Variants in AGAP3 observed in about 807,000 individuals in gnomAD.
AGAP3 encodes the protein arf-GAP with GTPase, ANK repeat and PH domain-containing protein 3.
Under a neutral mutation model 96.9 loss-of-function variants are expected in AGAP3, and 24 were observed. The observed-to-expected ratio is 0.25, with a 90% CI of 0.18 to 0.35. The LOEUF is 0.35. Among genes scored for constraint, AGAP3 ranks in the 10% least tolerant of loss-of-function variants. AGAP3 has a pLI of 1.00. For missense variants in AGAP3, 876 were observed against 1,254.2 expected, an observed-to-expected ratio of 0.70 and a Z score of 4.55; for synonymous variants, 563 against 536.1, an observed-to-expected ratio of 1.05 and a Z score of -0.69.
chr7:151,142,460 G>A lies in AGAP3; in HGVS notation c.2099G>A (p.Cys700Tyr), dbSNP rs1800854234. The change falls in exon 16 of 18, where the codon TGC (cysteine) becomes TAC (tyrosine). Residue 700 changes from cysteine to tyrosine, a missense_variant. This residue lies in a region of AGAP3 where 103 missense variants were observed against 183.0 expected (regional missense o/e 0.56). Transcript: ENST00000397238. The surrounding 1 kb of genome is among the most constrained non-coding windows in gnomAD (Gnocchi z 7.5). ...CTGGGTGCCCTGATGTGCATTGAGT[G>A]CTCAGGCATCCACCGACACCTGGGG... ...LNLGALMCIE[C>Y]SGIHRHLGAH... 6.2e-7 allele frequency: 1 copy of A among 1,613,910 alleles called. No homozygotes were observed. The highest frequency in any genetic ancestry group is 8.5e-7 in the Non-Finnish European group (1 of 1,180,046).
intron 1 of AGAP3, chr7:151,090,053 C>T (rs1006981436): frequency 1.3e-5 from 2 of 152,300 alleles, no homozygotes; most frequent in East Asian, 3.8e-4. Context: ...GGGCCTCAGT[C>T]CAAATGGGGA....
rs10273337 is a variant in AGAP3, at chr7:151,103,652, A to C, written c.332-13141A>C. ...CATCATTCTACACAACCATTACACC[A>C]GAATAGCACCTAGGAAGGTCAGAAG... On this transcript the variant is annotated intron_variant, in intron 1 of 17. Coordinates refer to ENST00000397238, the MANE Select transcript of AGAP3 (RefSeq NM_031946.7). Among the ~76,000 whole-genome samples the C allele has an allele frequency of 1.4e-3, 219 of 152,144 alleles. 1 individual carries two copies. The highest frequency in any genetic ancestry group is 2.7e-3 in the Non-Finnish European group (182 of 68,008).
Position 151,096,340 on chromosome 7 carries a change from C to T in AGAP3, c.331+9268C>T, listed in dbSNP as rs2150412782. On this transcript the variant is annotated intron_variant, in intron 1 of 17. Transcript: ENST00000397238. This position sits in a 1 kb window ranked among gnomAD's most constrained non-coding sequence, Gnocchi z 4.4. ...GCCCAGGGGAAGGGACCTGAGGGGGCAGGGCTGTCACAGGGCCTGCACGTT... is the reference window on the plus strand; with the variant it reads ...GCCCAGGGGAAGGGACCTGAGGGGGTAGGGCTGTCACAGGGCCTGCACGTT... Among the ~76,000 whole-genome samples, 1 of 152,196 alleles carries T rather than the reference C, an allele frequency of 6.6e-6. No individual in the cohort carries two copies. Among genetic ancestry groups the T allele is most frequent in the South Asian group, 2.1e-4 (1 of 4,820 alleles).
chr7:151,101,146 G>A (rs558516751), intron 1 of AGAP3, among the ~76,000 whole-genome samples: 4 of 152,344 alleles, frequency 2.6e-5, no homozygotes, highest in Admixed American at 2.0e-4. Flanking sequence ...AGCCATCCCC[G>A]GGTCCCCAGC....
rs967597263 is a variant in AGAP3 at position 151,123,530 on chromosome 7, C to T, written c.1129-264C>T. ...ACGCCCCCGCCCCGGGCGTGCTCCT[C>T]GCGCCCTCGGCCTCTCTGTCCTTGC... On this transcript the variant is annotated intron_variant, in intron 8 of 17. Coordinates refer to ENST00000397238, the MANE Select transcript of AGAP3 (RefSeq NM_031946.7). 24 of 1,288,060 alleles carry T rather than the reference C, an allele frequency of 1.9e-5. No individual in the cohort carries two copies. In the African/African-American group the frequency reaches 2.0e-4, roughly 10 times the overall value. The allele number at this position is 1,288,060 out of a possible 1,614,324, so 79.8% of individuals were successfully genotyped here.
rs904281867 is a variant in AGAP3 at position 151,140,854 on chromosome 7, C to G, written c.1804+738C>G. ...AAATGATCATGGAGATCACGTAGTTCGAAGGCTGTGGTTGAAAGCAAGGTG... is the reference window on the plus strand; with the variant it reads ...AAATGATCATGGAGATCACGTAGTTGGAAGGCTGTGGTTGAAAGCAAGGTG... On this transcript the variant is annotated intron_variant, in intron 13 of 17. Coordinates refer to ENST00000397238, the MANE Select transcript of AGAP3 (RefSeq NM_031946.7). This position sits in a 1 kb window ranked among gnomAD's most constrained non-coding sequence, Gnocchi z 5.4. The G allele has an allele frequency of 2.0e-5, 3 of 152,166 alleles. No homozygotes were observed. Among genetic ancestry groups the G allele is most frequent in the Non-Finnish European group, 2.9e-5 (2 of 68,074 alleles). The allele number at this position is 152,166 out of a possible 1,614,324, so 9.4% of individuals were successfully genotyped here.
At position 151,142,130 on chromosome 7, in the gene AGAP3, G is replaced by A. The variant is rs373713542; in HGVS notation, c.1960-33G>A. 1.6e-4 allele frequency: 265 copies of A among 1,611,264 alleles called. No homozygotes were observed. Among genetic ancestry groups the A allele is most frequent in the Non-Finnish European group, 2.1e-4 (243 of 1,178,356 alleles). On this transcript the variant is annotated intron_variant, in intron 14 of 17. Coordinates refer to ENST00000397238, the MANE Select transcript of AGAP3 (RefSeq NM_031946.7). This position sits in a 1 kb window ranked among gnomAD's most constrained non-coding sequence, Gnocchi z 7.5. ...AAAGGGGCCTCATGACTGACCAACC[G>A]CCCCTTGTCTTGTCTCTCCTGCTGT...
chr7:151,122,519 G>GCCGCCTCCT (rs1348662678), intron 8 of AGAP3, among the ~76,000 whole-genome samples: 2 of 151,214 alleles, frequency 1.3e-5, no homozygotes, highest in African/African-American at 4.9e-5. Flanking sequence ...CGCCGCCGCC[G>GCCGCCTCCT]CCTCCTCCTC....
At chr7:151,090,767 C>T (rs961944326) in intron 1 of AGAP3, among the ~76,000 whole-genome samples, 7 of 152,026 alleles carry the variant, frequency 4.6e-5, no homozygotes, top group African/African-American at 7.2e-5. Flanking sequence ...CATGGTGAAA[C>T]CCCCGTCTCT....
chr7:151,128,553 G>A (rs1301188618), intron 9 of AGAP3, 27 bp from the exon 10 acceptor site: 1 of 1,607,156 alleles, frequency 6.2e-7, no homozygotes, highest in Non-Finnish European at 8.5e-7. Flanking sequence ...GCTGGCTCCT[G>A]GTTTCTGATC....
intron 10 of AGAP3, among the ~76,000 whole-genome samples, chr7:151,134,110 T>G (rs1800499828): frequency 6.6e-6 from 1 of 152,164 alleles, no homozygotes; most frequent in African/African-American, 2.4e-5. Flanking sequence ...TGCTGTTGCC[T>G]CTGAAGCCGT....
At chr7:151,094,423 CA>C (rs1798517186) in intron 1 of AGAP3, among the ~76,000 whole-genome samples, 1 of 151,180 alleles carries the variant, frequency 6.6e-6, no homozygotes, top group Non-Finnish European at 1.5e-5. Flanking sequence ...GGCATAGAGA[CA>C]GCCTGGAGTT....
At chr7:151,136,248 G>C (rs1181446785) in intron 11 of AGAP3, 2 of 152,236 alleles carry the variant, frequency 1.3e-5, no homozygotes, top group Non-Finnish European at 2.9e-5. Flanking sequence ...GGACAGCTGG[G>C]CTGTTTCCCT....
At chr7:151,123,254 A>G in intron 8 of AGAP3, 1 of 1,057,412 alleles carries the variant, frequency 9.5e-7, no homozygotes, top group Non-Finnish European at 1.1e-6. Context: ...ATTTCCTAGG[A>G]TCCGCATTCG....
At position 151,117,787 on chromosome 7, in the gene AGAP3, G is replaced by A; in HGVS notation, c.706+10G>A. 4 of 1,609,198 alleles carry A rather than the reference G, an allele frequency of 2.5e-6. No individual in the cohort carries two copies. The highest frequency in any genetic ancestry group is 3.4e-6 in the Non-Finnish European group (4 of 1,177,170). On this transcript the variant is annotated intron_variant, in intron 5 of 17. Coordinates refer to ENST00000397238, the MANE Select transcript of AGAP3 (RefSeq NM_031946.7). ...CTTGTGGGCACGCAGGGTGAGGCGG[G>A]GCCCTGCAGGAGCTGGCAGAGAGCA...
rs527748673 is a variant in AGAP3 at position 151,117,408 on chromosome 7, G to T, written c.516G>T (p.Gln172His). ...AGAAGGAGATTGTGGTGGATGGCCA[G>T]AGTTACCTGCTGCTGATCCGAGATG... The part of the protein sequence containing the change: ...RFKKEIVVDG[Q>H]SYLLLIRDEG... Residue 172 changes from glutamine (Q) to histidine (H), a missense_variant, in exon 4 of 18, where the codon CAG (glutamine) becomes CAT (histidine). Coordinates refer to ENST00000397238, the MANE Select transcript of AGAP3 (RefSeq NM_031946.7). The T allele has an allele frequency of 3.7e-6, 6 of 1,614,098 alleles. No individual in the cohort carries two copies. The highest frequency in any genetic ancestry group is 4.2e-6 in the Non-Finnish European group (5 of 1,180,032).
At position 151,118,110 on chromosome 7, in the gene AGAP3, C is replaced by G; in HGVS notation, c.707-100C>G. 2 of 1,468,448 alleles carry G rather than the reference C, an allele frequency of 1.4e-6. No homozygotes were observed. The highest frequency in any genetic ancestry group is 9.2e-7 in the Non-Finnish European group (1 of 1,082,714). 91.0% of individuals were successfully genotyped at this position (1,468,448 alleles called of 1,614,324 possible). ...CTTGGTGCTCTGTGTGTTCCACTCA[C>G]CAGGCCCTTTGCACACCTGCCCTTG... On this transcript the variant is annotated intron_variant, in intron 5 of 17. Coordinates refer to ENST00000397238, the MANE Select transcript of AGAP3 (RefSeq NM_031946.7). This position sits in a 1 kb window ranked among gnomAD's most constrained non-coding sequence, Gnocchi z 6.1.
chr7:151,114,906 G>A lies in AGAP3; in HGVS notation c.332-1887G>A, dbSNP rs936705563. On this transcript the variant is annotated intron_variant, in intron 1 of 17. Transcript: ENST00000397238. The surrounding 1 kb of genome is among the most constrained non-coding windows in gnomAD (Gnocchi z 4.4). ...CCGCGCTGCCGCCGCCCTGCAGGCC[G>A]CCCTCTGCGCCGCCAGTGAGCAGCC... 4 of 992,666 alleles carry A rather than the reference G, an allele frequency of 4.0e-6. No individual in the cohort carries two copies. The highest frequency in any genetic ancestry group is 1.8e-5 in the African/African-American group (1 of 56,822). The allele number at this position is 992,666 out of a possible 1,614,324, so 61.5% of individuals were successfully genotyped here. A position where few individuals can be genotyped will look rare whatever the true frequency, so the allele number is the denominator to read the frequency against.
At chr7:151,138,889 C>G (rs1800713528) in intron 12 of AGAP3, among the ~76,000 whole-genome samples, 1 of 152,178 alleles carries the variant, frequency 6.6e-6, no homozygotes, top group African/African-American at 2.4e-5. Context: ...AGGCCTCCAC[C>G]CATCCTAGGT....
Sources: gnomAD v4.1 joint callset for allele counts (sites outside exome capture counted in the v4.1 genomes callset) on GRCh38, gnomAD v4.1.1 for gene constraint, gnomAD v4.1.1 regional missense constraint, Gnocchi (gnomAD v3.1) non-coding constraint, MANE v1.5 for transcripts, NCBI Gene and HGNC (gene_info 2026-07-23, HGNC 2026-07-21) for gene names.